Variants in BPIFB1 observed in about 807,000 individuals in gnomAD.
BPIFB1 encodes BPI fold-containing family B member 1.
A neutral mutation model predicts 55.1 loss-of-function variants in BPIFB1; 34 were observed. That is an observed-to-expected ratio of 0.62 (90% CI 0.47 to 0.82). BPIFB1 has a LOEUF of 0.82. BPIFB1 is among the 40% of genes least tolerant of loss of function. The pLI, the probability that BPIFB1 is intolerant of heterozygous loss-of-function variation, is 0.00. For synonymous variants in BPIFB1, 236 were observed against 245.3 expected (o/e 0.96, Z 0.35); for missense variants, 532 against 593.1 (o/e 0.90, Z 1.07).
chr20:33,307,454 G>A (rs1294607222), intron 15 of BPIFB1: 1 of 160,810 alleles, frequency 6.2e-6, no homozygotes, highest in East Asian at 1.8e-4. Flanking sequence ...AGAGAGTGAT[G>A]TCAGGGAAGG....
At chr20:33,308,846 CA>C (rs1174044134) in intron 15 of BPIFB1, among the ~76,000 whole-genome samples, 1 of 149,786 alleles carries the variant, frequency 6.7e-6, no homozygotes, top group Non-Finnish European at 1.5e-5. Flanking sequence ...ACACATAATA[CA>C]CACACCACAC....
At chr20:33,297,427 G>C in intron 6 of BPIFB1, 98 bp from the exon 7 acceptor site, 1 of 1,331,676 alleles carries the variant, frequency 7.5e-7, no homozygotes, top group African/African-American at 1.4e-5. Flanking sequence ...GGGCACAGCA[G>C]TAGGACACAG....
At chr20:33,297,630 G>C in intron 7 of BPIFB1, 42 bp downstream of exon 7, 6 of 1,609,542 alleles carry the variant, frequency 3.7e-6, no homozygotes, top group South Asian at 1.1e-5. Flanking sequence ...CTTTACTACG[G>C]AGCTGGCCTC....
intron 8 of BPIFB1, among the ~76,000 whole-genome samples, chr20:33,300,522 C>G (rs1051802999): frequency 6.6e-6 from 1 of 152,190 alleles, no homozygotes; most frequent in African/African-American, 2.4e-5. Context: ...GCTGCACAGC[C>G]ATGCTGTGGC....
intron 9 of BPIFB1, 86 bp from the exon 10 acceptor site, chr20:33,302,273 G>T: frequency 6.9e-7 from 1 of 1,443,858 alleles, no homozygotes. Flanking sequence ...TGGGGTCCTG[G>T]GAAACCTTCC....
chr20:33,298,039 T>C (rs1460925221), intron 7 of BPIFB1, among the ~76,000 whole-genome samples: 3 of 152,052 alleles, frequency 2.0e-5, no homozygotes, highest in African/African-American at 7.2e-5. Context: ...GCTAAATGGA[T>C]GGATGGATAG....
chr20:33,306,574 C>G, intron 14 of BPIFB1: 2 of 346,392 alleles, frequency 5.8e-6, no homozygotes, highest in South Asian at 8.1e-5. Context: ...CTATACAGTT[C>G]CACCTTTTTA....
In BPIFB1 at chr20:33,309,610, C is replaced by A; in HGVS notation, c.1396-98C>A. On this transcript the variant is annotated intron_variant, in intron 15 of 15. Transcript: ENST00000253354. This position sits in a 1 kb window ranked among gnomAD's most constrained non-coding sequence, Gnocchi z 4.4. ...TTGTGGGTTCAGGGTCATGGTCCCC[C>A]GGTGCCAGCAGTCACCTTATGGAGG... The A allele has an allele frequency of 8.7e-7, 1 of 1,153,170 alleles. No individual in the cohort carries two copies. Among genetic ancestry groups the A allele is most frequent in the Non-Finnish European group, 1.3e-6 (1 of 768,128 alleles). The allele number at this position is 1,153,170 out of a possible 1,614,324, so 71.4% of individuals were successfully genotyped here. A position where few individuals can be genotyped will look rare whatever the true frequency, so the allele number is the denominator to read the frequency against.
At chr20:33,287,545 C>G (rs77901151) in intron 2 of BPIFB1, among the ~76,000 whole-genome samples, 1 of 152,178 alleles carries the variant, frequency 6.6e-6, no homozygotes, top group Admixed American at 6.5e-5. Flanking sequence ...AAGGACAGAG[C>G]AAGTTCAGAG....
chr20:33,306,483 A>T (rs1418967347), intron 14 of BPIFB1: 2 of 320,198 alleles, frequency 6.2e-6, no homozygotes, highest in Non-Finnish European at 1.2e-5. Flanking sequence ...AGAGGCACAA[A>T]TCAGGAGGTG....
chr20:33,291,834 C>T lies in BPIFB1; in HGVS notation c.516-73C>T, dbSNP rs1305172822. The T allele has an allele frequency of 1.8e-5, 25 of 1,396,890 alleles. No homozygotes were observed. In the South Asian group the frequency reaches 1.9e-4, roughly 10 times the overall value. The allele number at this position is 1,396,890 out of a possible 1,614,324, so 86.5% of individuals were successfully genotyped here. ...CTTCCTCCCTTAGACTCAGCCTCCC[C>T]CTCTGTAAAATAGAGGAAGGGGTGA... On this transcript the variant is annotated intron_variant, in intron 5 of 15. Coordinates refer to ENST00000253354, the MANE Select transcript of BPIFB1 (RefSeq NM_033197.3).
chr20:33,294,052 G>A (rs1295571218), intron 6 of BPIFB1, among the ~76,000 whole-genome samples: 1 of 152,200 alleles, frequency 6.6e-6, no homozygotes, highest in Non-Finnish European at 1.5e-5. Context: ...ATAAGCTGGA[G>A]TTATGATTTT....
chr20:33,296,240 C>T (rs1231062024), intron 6 of BPIFB1, among the ~76,000 whole-genome samples: 2 of 152,126 alleles, frequency 1.3e-5, no homozygotes, highest in African/African-American at 4.8e-5. Flanking sequence ...AGAGGTTCCC[C>T]GGGACACTTT....
rs760375177 is a variant in BPIFB1 at position 33,309,782 on chromosome 20, G to A, written c.*15G>A. 34 of 1,612,504 alleles carry A rather than the reference G, an allele frequency of 2.1e-5. No homozygotes were observed. In the Middle Eastern group the frequency reaches 4.9e-4, roughly 23 times the overall value. ...TCTCCCAGTGAAGACTTGGATGGCA[G>A]CCATCAGGGAAGGCTGGGTCCCAGC... is the stretch of plus-strand genomic sequence containing the variant. On this transcript the variant is annotated 3_prime_UTR_variant, in exon 16 of 16. Transcript: ENST00000253354. This position sits in a 1 kb window ranked among gnomAD's most constrained non-coding sequence, Gnocchi z 4.4.
At chr20:33,285,943 A>C in intron 1 of BPIFB1, 90 bp from the exon 2 acceptor site, 2 of 751,896 alleles carry the variant, frequency 2.7e-6, no homozygotes, top group Non-Finnish European at 4.5e-6. Flanking sequence ...TGCACTCAAC[A>C]GCCTCTCCTG....
intron 6 of BPIFB1, among the ~76,000 whole-genome samples, chr20:33,293,830 G>A (rs1027805788): frequency 3.3e-5 from 5 of 151,488 alleles, no homozygotes; most frequent in Non-Finnish European, 7.4e-5. Context: ...ATGACGGCAA[G>A]ACTCTGTCTC....
chr20:33,292,948 G>A (rs1282253760), intron 6 of BPIFB1, among the ~76,000 whole-genome samples: 2 of 152,248 alleles, frequency 1.3e-5, no homozygotes, highest in Non-Finnish European at 2.9e-5. Flanking sequence ...TTGAGACAGA[G>A]TCTTGCTCTG....
chr20:33,302,530 GCATCC>G (rs1980886384), intron 10 of BPIFB1, 118 bp downstream of exon 10: 1 of 1,118,046 alleles, frequency 8.9e-7, no homozygotes, highest in Admixed American at 1.8e-5. Flanking sequence ...CACTCAAACC[GCATCC>G]CTGTCCGCAC....
chr20:33,291,941 G>A lies in BPIFB1; in HGVS notation c.550G>A (p.Val184Ile), dbSNP rs749821146. 5 of 1,614,086 alleles carry A rather than the reference G, an allele frequency of 3.1e-6. No individual in the cohort carries two copies. In the East Asian group the frequency reaches 1.1e-4, roughly 36 times the overall value. The change falls in exon 6 of 16, where the codon GTC becomes ATC. Residue 184 changes from valine to isoleucine, a missense_variant. By Grantham distance (29) the Val-to-Ile change is conservative. Coordinates refer to ENST00000253354, the MANE Select transcript of BPIFB1 (RefSeq NM_033197.3). ...CCTGGTGAACGCCTTAGCTAAGCAG[G>A]TCATGAACCTCCTAGTGCCATCCCT... ...SFLVNALAKQ[V>I]MNLLVPSLPN... is the part of the protein sequence containing the mutation.
Sources: allele counts gnomAD v4.1 joint callset (sites outside exome capture counted in the v4.1 genomes callset), GRCh38; gene constraint gnomAD v4.1.1; non-coding constraint Gnocchi (gnomAD v3.1); transcripts MANE v1.5; gene names NCBI Gene and HGNC (gene_info 2026-07-23, HGNC 2026-07-21).